Variants in CYP2J2 observed in about 807,000 individuals in gnomAD.
The protein encoded by CYP2J2 is cytochrome P450 family 2 subfamily J member 2.
CYP2J2 carries 41 observed loss-of-function variants against 48.8 expected under a neutral mutation model. That is an observed-to-expected ratio of 0.84 (90% CI 0.66 to 1.09). CYP2J2 has a LOEUF of 1.09. Among genes scored for constraint, CYP2J2 ranks in the 50% least tolerant of loss-of-function variants. The pLI, the probability that CYP2J2 is intolerant of heterozygous loss-of-function variation, is 0.00. For synonymous variants in CYP2J2, 221 were observed against 227.1 expected, an observed-to-expected ratio of 0.97 and a Z score of 0.24; for missense variants, 644 against 617.3, an observed-to-expected ratio of 1.04 and a Z score of -0.46.
the CYP2J2 span, among the ~76,000 whole-genome samples, chr1:59,936,094 G>T: frequency 1.8e-4 from 27 of 152,196 alleles, no homozygotes; most frequent in Admixed American, 1.8e-3. Flanking sequence ...CACTTGAGAT[G>T]TGAATATTAA....
intron 1 of CYP2J2, among the ~76,000 whole-genome samples, chr1:59,916,928 C>T (rs536272305): frequency 1.3e-5 from 2 of 152,050 alleles, no homozygotes; most frequent in African/African-American, 4.8e-5. Context: ...TCTGTTTAAC[C>T]AAATGAGAAT....
intron 8 of CYP2J2, among the ~76,000 whole-genome samples, chr1:59,894,964 C>T (rs1251075030): frequency 6.6e-6 from 1 of 152,092 alleles, no homozygotes; most frequent in African/African-American, 2.4e-5. Context: ...TTCAAATGTA[C>T]AAAAAACTTG....
the CYP2J2 span, among the ~76,000 whole-genome samples, chr1:59,964,518 T>C: frequency 6.6e-6 from 1 of 152,152 alleles, no homozygotes; most frequent in African/African-American, 2.4e-5. Flanking sequence ...GACTGGAAAA[T>C]TGAGTCCCAG....
intron 1 of CYP2J2, among the ~76,000 whole-genome samples, chr1:59,925,490 C>T (rs1644556019): frequency 6.6e-6 from 1 of 152,078 alleles, no homozygotes; most frequent in Non-Finnish European, 1.5e-5. Context: ...TGTTTGACCA[C>T]AATGGAGTCA....
intron 1 of CYP2J2, among the ~76,000 whole-genome samples, chr1:59,925,306 A>G (rs1185342602): frequency 6.6e-6 from 1 of 152,216 alleles, no homozygotes; most frequent in Non-Finnish European, 1.5e-5. Context: ...AATCAAATTG[A>G]TATTGATATC....
intron 1 of CYP2J2, among the ~76,000 whole-genome samples, chr1:59,925,411 T>C (rs1644555299): frequency 6.6e-6 from 1 of 152,208 alleles, no homozygotes; most frequent in African/African-American, 2.4e-5. Context: ...TTTATCAAGA[T>C]AGACTATATC....
At chr1:59,962,023 A>G in the CYP2J2 span, among the ~76,000 whole-genome samples, 7 of 152,046 alleles carry the variant, frequency 4.6e-5, no homozygotes, top group Non-Finnish European at 1.0e-4. Flanking sequence ...CAGTGATAAA[A>G]TGTTCTAAAA....
upstream of CYP2J2, chr1:59,926,808 TCCC>T: frequency 1.4e-6 from 2 of 1,454,434 alleles, no homozygotes; most frequent in Non-Finnish European, 1.9e-6. Context: ...CAGGCGACGG[TCCC>T]CGCCCCGCCT....
chr1:59,953,843 A>G, the CYP2J2 span, among the ~76,000 whole-genome samples: 2 of 152,194 alleles, frequency 1.3e-5, no homozygotes, highest in African/African-American at 4.8e-5. Flanking sequence ...AGTAAGGGTC[A>G]TATCATGGAG....
chr1:59,902,627 C>G (rs1262850352), intron 7 of CYP2J2, among the ~76,000 whole-genome samples: 1 of 152,000 alleles, frequency 6.6e-6, no homozygotes, highest in Non-Finnish European at 1.5e-5. Context: ...GTTGGCCAGG[C>G]TGATCTCGAA....
At position 59,912,145 on chromosome 1, in the gene CYP2J2, T is replaced by C; in HGVS notation, c.523+17A>G. The C allele has an allele frequency of 6.2e-7, 1 of 1,607,038 alleles. No homozygotes were observed. ...AATGGGCCACAGTCTCTCACCTCTG[T>C]CATATGCAATGCTCACCGTTCTCCT... On this transcript the variant is annotated intron_variant, in intron 3 of 8. Transcript: ENST00000371204.
intron 2 of CYP2J2, chr1:59,912,616 G>T: frequency 3.9e-6 from 1 of 253,928 alleles, no homozygotes; most frequent in Non-Finnish European, 7.5e-6. Flanking sequence ...TGAGGAACAA[G>T]GGATAAAGGA....
chr1:59,912,136 T>C lies in CYP2J2; in HGVS notation c.523+26A>G, dbSNP rs749976261. On this transcript the variant is annotated intron_variant, in intron 3 of 8. Transcript: ENST00000371204. ...CAATGAACAAATGGGCCACAGTCTCTCACCTCTGTCATATGCAATGCTCAC... is the reference window on the plus strand; with the variant it reads ...CAATGAACAAATGGGCCACAGTCTCCCACCTCTGTCATATGCAATGCTCAC... 1.9e-6 allele frequency: 3 copies of C among 1,598,448 alleles called. No homozygotes were observed. The South Asian group carries it at 3.4e-5, about 18-fold the overall frequency.
chr1:59,967,518 C>T, the CYP2J2 span, among the ~76,000 whole-genome samples: 1 of 152,210 alleles, frequency 6.6e-6, no homozygotes, highest in South Asian at 2.1e-4. Flanking sequence ...ACTGCTGGGG[C>T]CTCTGCTTGC....
At chr1:59,911,013 C>G (rs1644409491) in intron 4 of CYP2J2, among the ~76,000 whole-genome samples, 1 of 152,132 alleles carries the variant, frequency 6.6e-6, no homozygotes, top group Admixed American at 6.5e-5. Flanking sequence ...CTTTTATCTC[C>G]AGATACAGAT....
the CYP2J2 span, among the ~76,000 whole-genome samples, chr1:59,934,782 A>G: frequency 6.6e-6 from 1 of 151,726 alleles, no homozygotes; most frequent in Non-Finnish European, 1.5e-5. Flanking sequence ...TACAACCATT[A>G]TGAAATATGG....
Position 59,893,452 on chromosome 1 carries a change from A to C in CYP2J2, c.*199T>G. ...TAGATAAAAAGGTAAATTATTTAGC[A>C]TATAAATGATTTTCCCAAGGCTAAT... On this transcript the variant is annotated 3_prime_UTR_variant, in exon 9 of 9. Coordinates refer to ENST00000371204, the MANE Select transcript of CYP2J2 (RefSeq NM_000775.4). 1 of 482,310 alleles carries C rather than the reference A, an allele frequency of 2.1e-6. No individual in the cohort carries two copies. The highest frequency in any genetic ancestry group is 3.7e-6 in the Non-Finnish European group (1 of 272,388). The allele number at this position is 482,310 out of a possible 1,614,324, so 29.9% of individuals were successfully genotyped here. A position where few individuals can be genotyped will look rare whatever the true frequency, so the allele number is the denominator to read the frequency against.
the CYP2J2 span, among the ~76,000 whole-genome samples, chr1:59,960,735 C>T: frequency 6.6e-6 from 1 of 152,074 alleles, no homozygotes; most frequent in African/African-American, 2.4e-5. Flanking sequence ...CCCAGCTACT[C>T]AGGAGGCTGA....
At chr1:59,960,668 C>T in the CYP2J2 span, among the ~76,000 whole-genome samples, 4 of 152,154 alleles carry the variant, frequency 2.6e-5, no homozygotes, top group African/African-American at 4.8e-5. Context: ...CTTGGTGAAA[C>T]CCCGACTCTA....
Sources: allele counts gnomAD v4.1 joint callset (sites outside exome capture counted in the v4.1 genomes callset), GRCh38; gene constraint gnomAD v4.1.1; transcripts MANE v1.5; gene names NCBI Gene and HGNC (gene_info 2026-07-23, HGNC 2026-07-21).